ETV6: variants seen among roughly 807,000 people sequenced by gnomAD.
ETV6 encodes transcription factor ETV6.
A neutral mutation model predicts 51.1 loss-of-function variants in ETV6; 16 were observed. That is an observed-to-expected ratio of 0.31 (90% CI 0.21 to 0.48). ETV6 has a LOEUF of 0.48. Ranked by LOEUF, ETV6 falls within the 20% of genes least tolerant of loss-of-function variation. The probability of loss-of-function intolerance (pLI) is 0.99; values close to 1 mark genes in which losing one functional copy is unlikely to be tolerated. For synonymous variants in ETV6, 240 were observed against 224.1 expected (o/e 1.07, Z -0.64); for missense variants, 458 against 594.8 (o/e 0.77, Z 2.39).
At chr12:11,860,100 C>A (rs1360344670) in intron 4 of ETV6, among the ~76,000 whole-genome samples, 1 of 152,130 alleles carries the variant, frequency 6.6e-6, no homozygotes, top group Non-Finnish European at 1.5e-5. Flanking sequence ...TGTCACCTAC[C>A]CCCTGAGGAG....
chr12:11,662,171 C>T (rs1864111972), intron 1 of ETV6, among the ~76,000 whole-genome samples: 1 of 152,170 alleles, frequency 6.6e-6, no homozygotes, highest in Admixed American at 6.5e-5. Flanking sequence ...CTGACATAGA[C>T]AGCAAGTATA....
intron 2 of ETV6, among the ~76,000 whole-genome samples, chr12:11,771,281 G>A (rs1013162382): frequency 6.6e-6 from 1 of 152,232 alleles, no homozygotes; most frequent in African/African-American, 2.4e-5. Context: ...TGTAAGAACT[G>A]AGTCTGTAAC....
intron 1 of ETV6, among the ~76,000 whole-genome samples, chr12:11,672,817 G>A (rs1295844821): frequency 2.0e-5 from 3 of 152,334 alleles, no homozygotes; most frequent in South Asian, 4.1e-4. Flanking sequence ...CAAAGTGGAA[G>A]TAAGATCCCC....
At chr12:11,828,672 G>A (rs1272347828) in intron 2 of ETV6, among the ~76,000 whole-genome samples, 1 of 152,130 alleles carries the variant, frequency 6.6e-6, no homozygotes, top group Non-Finnish European at 1.5e-5. Flanking sequence ...GCATTTTGAA[G>A]GGGGGTTTGT....
At chr12:11,761,173 T>A (rs1015887651) in intron 2 of ETV6, among the ~76,000 whole-genome samples, 3 of 152,204 alleles carry the variant, frequency 2.0e-5, no homozygotes, top group Admixed American at 1.3e-4. Flanking sequence ...AGTTGTTTCA[T>A]TCTATCTATT....
intron 2 of ETV6, among the ~76,000 whole-genome samples, chr12:11,790,514 A>G (rs867313213): frequency 1.7e-4 from 26 of 152,136 alleles, no homozygotes; most frequent in African/African-American, 6.0e-4. Context: ...CTCTTCTAGT[A>G]GCCATCCTGG....
chr12:11,814,716 G>T (rs563500583), intron 2 of ETV6, among the ~76,000 whole-genome samples: 1 of 152,298 alleles, frequency 6.6e-6, no homozygotes, highest in East Asian at 1.9e-4. Context: ...GAAATGTTAT[G>T]CAGAAACATA....
chr12:11,671,124 T>TTG (rs1275365089), intron 1 of ETV6, among the ~76,000 whole-genome samples: 2 of 151,982 alleles, frequency 1.3e-5, no homozygotes, highest in Non-Finnish European at 2.9e-5. Context: ...AAGGGTAAGG[T>TTG]TGGCAGGGCG....
At chr12:11,676,666 C>T (rs1864427138) in intron 1 of ETV6, among the ~76,000 whole-genome samples, 2 of 152,204 alleles carry the variant, frequency 1.3e-5, no homozygotes, top group African/African-American at 4.8e-5. Flanking sequence ...TATGTGCCCT[C>T]ATGACATCCG....
At chr12:11,693,826 C>T (rs1397102189) in intron 1 of ETV6, among the ~76,000 whole-genome samples, 1 of 152,138 alleles carries the variant, frequency 6.6e-6, no homozygotes, top group Non-Finnish European at 1.5e-5. Flanking sequence ...CATCCCTGCC[C>T]ATCTGTTCTC....
intron 2 of ETV6, among the ~76,000 whole-genome samples, chr12:11,797,392 GGCT>G: frequency 6.6e-6 from 1 of 152,316 alleles, no homozygotes; most frequent in South Asian, 2.1e-4. Flanking sequence ...TAAGGTGGCA[GGCT>G]GTTGGCAGTT....
intron 2 of ETV6, among the ~76,000 whole-genome samples, chr12:11,761,445 T>C (rs937326528): frequency 6.6e-6 from 1 of 152,234 alleles, no homozygotes; most frequent in African/African-American, 2.4e-5. Context: ...TTGTCTATTA[T>C]TTTCCATCTT....
intron 1 of ETV6, among the ~76,000 whole-genome samples, chr12:11,749,931 T>C (rs1373999292): frequency 6.6e-6 from 1 of 152,250 alleles, no homozygotes; most frequent in East Asian, 1.9e-4. Flanking sequence ...AGTCTCTTCA[T>C]TGAGCCTTTG....
At chr12:11,687,255 G>C (rs205529) in intron 1 of ETV6, among the ~76,000 whole-genome samples, 137,290 of 140,474 alleles carry the variant, frequency 0.98, 67,107 homozygotes, top group East Asian at 1. Flanking sequence ...CCGGCTCCCC[G>C]CTCCCCACGC....
At chr12:11,746,738 C>T (rs1023374145) in intron 1 of ETV6, among the ~76,000 whole-genome samples, 3 of 150,152 alleles carry the variant, frequency 2.0e-5, no homozygotes, top group Non-Finnish European at 2.9e-5. Context: ...ACTCAATGAC[C>T]TTTTACAGAG....
chr12:11,754,804 A>G (rs1349217471), intron 2 of ETV6, among the ~76,000 whole-genome samples: 5 of 152,236 alleles, frequency 3.3e-5, no homozygotes, highest in African/African-American at 1.2e-4. Context: ...GCACACAACC[A>G]TAATAGCTAA....
chr12:11,860,685 G>T (rs1348350858), intron 4 of ETV6, among the ~76,000 whole-genome samples: 1 of 139,716 alleles, frequency 7.2e-6, no homozygotes, highest in Non-Finnish European at 1.5e-5. Flanking sequence ...GCTGTTATTT[G>T]GTTGTTTCCC....
At chr12:11,701,276 G>A (rs1206730200) in intron 1 of ETV6, among the ~76,000 whole-genome samples, 1 of 152,048 alleles carries the variant, frequency 6.6e-6, no homozygotes, top group African/African-American at 2.4e-5. Context: ...CCCAGCAAAC[G>A]CTGGCATGCC....
chr12:11,772,962 A>G lies in ETV6; in HGVS notation c.163+20383A>G, dbSNP rs145213693. On this transcript the variant is annotated intron_variant, in intron 2 of 7. Transcript: ENST00000396373. ...GTAATCCCAGCACTTTGGGAGGCCG[A>G]GGCAGGTGGGTCACAAGGTCAGGAG... Among the ~76,000 whole-genome samples, 18 of 152,222 alleles carry G rather than the reference A, an allele frequency of 1.2e-4. No homozygotes were observed. The East Asian group carries it at 3.3e-3, about 28-fold the overall frequency.
Sources: allele counts gnomAD v4.1 joint callset (sites outside exome capture counted in the v4.1 genomes callset), GRCh38; gene constraint gnomAD v4.1.1; transcripts MANE v1.5; gene names NCBI Gene and HGNC (gene_info 2026-07-23, HGNC 2026-07-21).